The following NRXN1 variants were observed in gnomAD, a reference collection of about 807,000 sequenced individuals.
NRXN1 encodes neurexin 1, also known as neurexin-1.
NRXN1 carries 39 observed loss-of-function variants against 150.9 expected under a neutral mutation model. The ratio of observed to expected loss-of-function variants is 0.26; its 90% CI spans 0.20 to 0.34. NRXN1 has a LOEUF of 0.34. Ranked by LOEUF, NRXN1 falls within the 10% of genes least tolerant of loss-of-function variation. The pLI, the probability that NRXN1 is intolerant of heterozygous loss-of-function variation, is 1.00. For synonymous variants in NRXN1, 924 were observed against 757.0 expected, an observed-to-expected ratio of 1.22 and a Z score of -3.62; for missense variants, 1,815 against 1,949.9, an observed-to-expected ratio of 0.93 and a Z score of 1.30.
chr2:50,768,366 T>C (rs1225775273), intron 5 of NRXN1, among the ~76,000 whole-genome samples: 1 of 152,048 alleles, frequency 6.6e-6, no homozygotes, highest in Non-Finnish European at 1.5e-5. Context: ...TGGAGCGCAG[T>C]GGCATGATCA....
chr2:50,673,040 T>C (rs1000478869), intron 5 of NRXN1, among the ~76,000 whole-genome samples: 13 of 152,064 alleles, frequency 8.5e-5, no homozygotes, highest in African/African-American at 2.9e-4. Flanking sequence ...TATCTGCATA[T>C]ATTACAAAGC....
chr2:50,213,124 T>C (rs2063149943), intron 18 of NRXN1, among the ~76,000 whole-genome samples: 1 of 151,910 alleles, frequency 6.6e-6, no homozygotes, highest in South Asian at 2.1e-4. Context: ...CTGCACATTC[T>C]GGAGATCCCA....
At chr2:50,804,186 A>C (rs1667216811) in intron 5 of NRXN1, among the ~76,000 whole-genome samples, 1 of 152,212 alleles carries the variant, frequency 6.6e-6, no homozygotes. Context: ...TGAAATTTTC[A>C]AATTTTATTA....
intron 2 of NRXN1, among the ~76,000 whole-genome samples, chr2:50,981,124 A>G (rs1696718385): frequency 6.6e-6 from 1 of 152,104 alleles, no homozygotes. Flanking sequence ...AAAGATAAAA[A>G]TTGATTCTGA....
chr2:50,642,493 G>T (rs1684214875), intron 5 of NRXN1, among the ~76,000 whole-genome samples: 1 of 151,906 alleles, frequency 6.6e-6, no homozygotes, highest in African/African-American at 2.4e-5. Flanking sequence ...GATCTAAGGT[G>T]ACATCATGAA....
intron 5 of NRXN1, among the ~76,000 whole-genome samples, chr2:50,691,636 T>G (rs1339353184): frequency 6.6e-6 from 1 of 152,186 alleles, no homozygotes; most frequent in African/African-American, 2.4e-5. Context: ...CAATGCTGCA[T>G]TATATAGAAT....
chr2:50,655,189 G>GA (rs570502365), intron 5 of NRXN1, among the ~76,000 whole-genome samples: 86 of 145,856 alleles, frequency 5.9e-4, no homozygotes, highest in East Asian at 2.0e-3. Flanking sequence ...AGCAAGCATG[G>GA]AAAAAAAAAA....
At chr2:50,611,412 T>C (rs546427513) in intron 8 of NRXN1, among the ~76,000 whole-genome samples, 3 of 152,132 alleles carry the variant, frequency 2.0e-5, no homozygotes, top group Non-Finnish European at 2.9e-5. Flanking sequence ...AAAGATTCTA[T>C]GTTTGAAAAG....
intron 5 of NRXN1, among the ~76,000 whole-genome samples, chr2:50,815,112 C>A (rs541000067): frequency 1.3e-5 from 2 of 151,960 alleles, no homozygotes; most frequent in African/African-American, 4.8e-5. Flanking sequence ...CAAGTTAAAC[C>A]AATTTACCTT....
chr2:50,270,847 C>G (rs145914002), intron 17 of NRXN1, among the ~76,000 whole-genome samples: 1 of 151,962 alleles, frequency 6.6e-6, no homozygotes, highest in Non-Finnish European at 1.5e-5. Context: ...TTAGTAGAGA[C>G]GGGTTTTCAC....
intron 8 of NRXN1, among the ~76,000 whole-genome samples, chr2:50,575,133 T>C (rs994374190): frequency 2.6e-5 from 4 of 152,236 alleles, no homozygotes; most frequent in Non-Finnish European, 5.9e-5. Context: ...GTCACCTTTC[T>C]GGTGATTTGG....
chr2:49,991,018 T>C (rs1681844379), intron 21 of NRXN1, among the ~76,000 whole-genome samples: 2 of 152,032 alleles, frequency 1.3e-5, no homozygotes, highest in South Asian at 4.2e-4. Flanking sequence ...ATAGAGTAAA[T>C]AATTTACTAA....
intron 2 of NRXN1, among the ~76,000 whole-genome samples, chr2:51,001,364 T>G (rs1015939252): frequency 6.6e-6 from 1 of 151,916 alleles, no homozygotes; most frequent in Non-Finnish European, 1.5e-5. Flanking sequence ...AACATCAGTT[T>G]GTTGGTGCCT....
At position 50,004,130 on chromosome 2, in the gene NRXN1, G is replaced by C. The variant is rs776203133; in HGVS notation, c.4128+49141C>G. Among the ~76,000 whole-genome samples, 43 of 152,202 alleles carry C rather than the reference G, an allele frequency of 2.8e-4. 1 individual carries two copies. The highest frequency in any genetic ancestry group is 2.8e-3 in the Admixed American group (43 of 15,266). On this transcript the variant is annotated intron_variant, in intron 21 of 22. Coordinates refer to ENST00000401669, the MANE Select transcript of NRXN1 (RefSeq NM_001330078.2). ...GCAGAGATAAAAGAAGATGGAGATA[G>C]AGATAGGCAGGAGTTAGATCATAGT...
At chr2:50,294,620 G>C (rs117798347) in intron 17 of NRXN1, among the ~76,000 whole-genome samples, 2 of 152,126 alleles carry the variant, frequency 1.3e-5, no homozygotes, top group South Asian at 2.1e-4. Flanking sequence ...TCCAGCCTGG[G>C]GTGGAGAGGA....
intron 5 of NRXN1, among the ~76,000 whole-genome samples, chr2:50,683,193 G>T (rs1690669881): frequency 6.6e-6 from 1 of 151,962 alleles, no homozygotes; most frequent in South Asian, 2.1e-4. Context: ...ATTGCTGACG[G>T]TATTTTAATT....
chr2:50,720,985 C>T lies in NRXN1; in HGVS notation c.833-97370G>A, dbSNP rs1051087702. On this transcript the variant is annotated intron_variant, in intron 5 of 22. Coordinates refer to ENST00000401669, the MANE Select transcript of NRXN1 (RefSeq NM_001330078.2). ...TGCAATCCTACAACAAAGACTCTCT[C>T]GTCTGGTTCCTGGGAGTCAGAGATT... is the stretch of plus-strand genomic sequence containing the variant. Among the ~76,000 whole-genome samples, 5 of 152,316 alleles carry T rather than the reference C, an allele frequency of 3.3e-5. No homozygotes were observed. In the South Asian group the frequency reaches 8.3e-4, roughly 25 times the overall value.
chr2:50,762,186 C>G (rs950464375), intron 5 of NRXN1, among the ~76,000 whole-genome samples: 4 of 150,984 alleles, frequency 2.6e-5, no homozygotes, highest in African/African-American at 9.7e-5. Context: ...TTTAGAGAAC[C>G]CTAATACAAC....
chr2:50,508,511 T>C (rs987723093), intron 12 of NRXN1, among the ~76,000 whole-genome samples: 1 of 152,172 alleles, frequency 6.6e-6, no homozygotes, highest in African/African-American at 2.4e-5. Flanking sequence ...GGGTCATCTT[T>C]CATTTTGATC....
Sources: gnomAD v4.1 joint callset for allele counts (sites outside exome capture counted in the v4.1 genomes callset) on GRCh38, gnomAD v4.1.1 for gene constraint, MANE v1.5 for transcripts, NCBI Gene and HGNC (gene_info 2026-07-23, HGNC 2026-07-21) for gene names.